Variants in DLG2 observed in about 807,000 individuals in gnomAD.
DLG2 encodes disks large homolog 2.
Under a neutral mutation model 132.5 loss-of-function variants are expected in DLG2, and 45 were observed. The ratio of observed to expected loss-of-function variants is 0.34; its 90% CI spans 0.27 to 0.44. The LOEUF (loss-of-function observed/expected upper bound fraction) is 0.44. Ranked by LOEUF, DLG2 falls within the 20% of genes least tolerant of loss-of-function variation. The pLI, the probability that DLG2 is intolerant of heterozygous loss-of-function variation, is 1.00. For synonymous variants in DLG2, 424 were observed against 419.6 expected, an observed-to-expected ratio of 1.01 and a Z score of -0.13; for missense variants, 1,045 against 1,196.9, an observed-to-expected ratio of 0.87 and a Z score of 1.87.
At chr11:85,081,888 C>G (rs1442237817) in intron 6 of DLG2, among the ~76,000 whole-genome samples, 3 of 152,012 alleles carry the variant, frequency 2.0e-5, no homozygotes, top group Non-Finnish European at 4.4e-5. Flanking sequence ...ATTATGAGAC[C>G]CCTGTATCCA....
At chr11:83,944,576 G>C (rs2083373576) in intron 14 of DLG2, among the ~76,000 whole-genome samples, 1 of 152,144 alleles carries the variant, frequency 6.6e-6, no homozygotes, top group Admixed American at 6.5e-5. Context: ...AGGACACAGG[G>C]AATAACAGAA....
At position 83,459,762 on chromosome 11, in the gene DLG2, A is replaced by T; in HGVS notation, c.*56T>A. 1 of 917,000 alleles carries T rather than the reference A, an allele frequency of 1.1e-6. No homozygotes were observed. The highest frequency in any genetic ancestry group is 1.8e-6 in the Non-Finnish European group (1 of 552,134). The allele number at this position is 917,000 out of a possible 1,614,324, so 56.8% of individuals were successfully genotyped here. On this transcript the variant is annotated 3_prime_UTR_variant, in exon 28 of 28. Coordinates refer to ENST00000376104, the MANE Select transcript of DLG2 (RefSeq NM_001142699.3). ...TAAAAGCCTCCAAGTAGTATGTTATATATATTTTGTTCTTCTAAATGCTCT... is the reference window on the plus strand; with the variant it reads ...TAAAAGCCTCCAAGTAGTATGTTATTTATATTTTGTTCTTCTAAATGCTCT...
intron 17 of DLG2, chr11:83,790,449 T>A: frequency 8.6e-7 from 1 of 1,158,104 alleles, no homozygotes. Flanking sequence ...GCAAGATCTT[T>A]TTAGCTCCTC....
intron 14 of DLG2, among the ~76,000 whole-genome samples, chr11:83,954,703 A>G (rs1389576440): frequency 6.6e-6 from 1 of 152,240 alleles, no homozygotes; most frequent in Non-Finnish European, 1.5e-5. Flanking sequence ...GAGAGTCACT[A>G]TGAATTTTTT....
chr11:85,057,850 AT>A (rs568635170), intron 6 of DLG2, among the ~76,000 whole-genome samples: 9 of 151,748 alleles, frequency 5.9e-5, no homozygotes, highest in East Asian at 3.9e-4. Context: ...AGGAAAAAAA[AT>A]ATGGTAATTT....
intron 6 of DLG2, among the ~76,000 whole-genome samples, chr11:84,853,126 T>C (rs2154023509): frequency 6.6e-6 from 1 of 152,088 alleles, no homozygotes; most frequent in East Asian, 1.9e-4. Flanking sequence ...AGAGTGGTTA[T>C]TTGCTTTGAA....
At chr11:84,730,569 A>G (rs2063038886) in intron 6 of DLG2, among the ~76,000 whole-genome samples, 1 of 152,046 alleles carries the variant, frequency 6.6e-6, no homozygotes, top group Non-Finnish European at 1.5e-5. Context: ...ATCATTGTCA[A>G]AAAAATATAC....
At chr11:85,172,420 A>ACAACAT (rs2078940741) in intron 4 of DLG2, among the ~76,000 whole-genome samples, 1 of 152,204 alleles carries the variant, frequency 6.6e-6, no homozygotes, top group Non-Finnish European at 1.5e-5. Context: ...AGCTACAACA[A>ACAACAT]CAACATCAAC....
intron 7 of DLG2, among the ~76,000 whole-genome samples, chr11:84,413,201 G>T (rs930009275): frequency 5.3e-5 from 8 of 151,924 alleles, no homozygotes; most frequent in African/African-American, 1.9e-4. Context: ...AGCCCACCTA[G>T]GTCTATTCCA....
intron 3 of DLG2, among the ~76,000 whole-genome samples, chr11:85,412,474 G>A (rs1156739575): frequency 2.6e-5 from 4 of 151,486 alleles, no homozygotes; most frequent in Non-Finnish European, 4.4e-5. Context: ...CATCACCTGG[G>A]CAGTATACAC....
At chr11:84,337,852 A>G (rs1182145797) in intron 7 of DLG2, among the ~76,000 whole-genome samples, 1 of 152,226 alleles carries the variant, frequency 6.6e-6, no homozygotes, top group Non-Finnish European at 1.5e-5. Flanking sequence ...ACCACTATTA[A>G]GGAAGAAACA....
intron 6 of DLG2, among the ~76,000 whole-genome samples, chr11:84,808,343 G>A (rs2076220294): frequency 6.6e-6 from 1 of 151,966 alleles, no homozygotes; most frequent in African/African-American, 2.4e-5. Context: ...TCACCCTAAA[G>A]TGAAATTGAA....
At chr11:83,937,303 C>A (rs758615620) in intron 14 of DLG2, among the ~76,000 whole-genome samples, 7 of 151,756 alleles carry the variant, frequency 4.6e-5, no homozygotes, top group African/African-American at 7.3e-5. Flanking sequence ...GTCAGGAGAT[C>A]GAGACCATCC....
At chr11:83,610,794 A>G (rs2060003352) in intron 19 of DLG2, among the ~76,000 whole-genome samples, 1 of 152,214 alleles carries the variant, frequency 6.6e-6, no homozygotes, top group African/African-American at 2.4e-5. Flanking sequence ...CAACATGATT[A>G]TGAGGTTGGT....
rs546659592 is a variant in DLG2, at chr11:83,889,564, C to T, written c.1497-15076G>A. On this transcript the variant is annotated intron_variant, in intron 15 of 27. Transcript: ENST00000376104. ...GTCAGTGTGGTGATTCCTCAGGGAT[C>T]TAGAACTAGAAGCATGCCATTTGAC... 7.2e-5 allele frequency among the ~76,000 whole-genome samples: 11 copies of T among 152,266 alleles called. No homozygotes were observed. In the South Asian group the frequency reaches 2.3e-3, roughly 32 times the overall value.
At chr11:85,185,453 G>A (rs1328501162) in intron 4 of DLG2, among the ~76,000 whole-genome samples, 1 of 151,936 alleles carries the variant, frequency 6.6e-6, no homozygotes, top group East Asian at 1.9e-4. Context: ...AGCATAACTG[G>A]TTGTTTTGGA....
chr11:85,036,131 C>T (rs766977106), intron 6 of DLG2, among the ~76,000 whole-genome samples: 2 of 152,160 alleles, frequency 1.3e-5, no homozygotes, highest in Non-Finnish European at 2.9e-5. Flanking sequence ...AAAATGTTAT[C>T]CCTCTGCCTG....
chr11:84,790,130 G>C (rs1442344827), intron 6 of DLG2, among the ~76,000 whole-genome samples: 1 of 152,116 alleles, frequency 6.6e-6, no homozygotes, highest in African/African-American at 2.4e-5. Context: ...TTATATGGTA[G>C]CTCTATATTT....
At chr11:85,308,150 T>G in intron 3 of DLG2, among the ~76,000 whole-genome samples, 1 of 138,944 alleles carries the variant, frequency 7.2e-6, no homozygotes, top group Admixed American at 7.2e-5. Flanking sequence ...CGAGACTCTG[T>G]CTCAAAAAAT....
Sources: gnomAD v4.1 joint callset for allele counts (sites outside exome capture counted in the v4.1 genomes callset) on GRCh38, gnomAD v4.1.1 for gene constraint, MANE v1.5 for transcripts, NCBI Gene and HGNC (gene_info 2026-07-23, HGNC 2026-07-21) for gene names.